The following SLC35F4 variants were observed in gnomAD, a reference collection of about 807,000 sequenced individuals.
The protein encoded by SLC35F4 is solute carrier family 35 member F4.
A neutral mutation model predicts 44.2 loss-of-function variants in SLC35F4; 24 were observed. The observed-to-expected ratio is 0.54, with a 90% confidence interval of 0.39 to 0.76. The LOEUF is 0.76. Among genes scored for constraint, SLC35F4 ranks in the 30% least tolerant of loss-of-function variants. SLC35F4 has a pLI of 0.00. For missense variants in SLC35F4, 562 were observed against 586.1 expected, an observed-to-expected ratio of 0.96 and a Z score of 0.42; for synonymous variants, 238 against 223.6, an observed-to-expected ratio of 1.06 and a Z score of -0.57.
chr14:57,925,434 C>T (rs980521496), intron 1 of SLC35F4, among the ~76,000 whole-genome samples: 71 of 144,934 alleles, frequency 4.9e-4, no homozygotes, highest in African/African-American at 1.8e-3. Flanking sequence ...CCTCAAAGAC[C>T]GAGATTAGGC....
At chr14:57,976,872 TAG>T (rs1395178355) in exon 2 of SLC35F4, 3 of 152,244 alleles carry the variant, frequency 2.0e-5, no homozygotes, top group Admixed American at 1.3e-4. Flanking sequence ...TCTCTCACAG[TAG>T]AGTCTGCAGA....
At chr14:57,613,571 C>T (rs1390410683) in intron 1 of SLC35F4, among the ~76,000 whole-genome samples, 5 of 152,212 alleles carry the variant, frequency 3.3e-5, no homozygotes, top group African/African-American at 1.2e-4. Flanking sequence ...ATTTCTAAGG[C>T]AGCAATAGTC....
chr14:57,816,097 GTC>G (rs1219839086), intron 1 of SLC35F4, among the ~76,000 whole-genome samples: 15 of 152,232 alleles, frequency 9.9e-5, no homozygotes, highest in African/African-American at 3.4e-4. Flanking sequence ...ATTTTATATT[GTC>G]TCTGAGTGGA....
chr14:57,831,448 T>C (rs574573822), intron 1 of SLC35F4, among the ~76,000 whole-genome samples: 2 of 152,236 alleles, frequency 1.3e-5, no homozygotes, highest in South Asian at 2.1e-4. Context: ...GCATACAGCA[T>C]AGCCTCCCAG....
chr14:57,667,264 C>T (rs1315281321), intron 1 of SLC35F4, among the ~76,000 whole-genome samples: 1 of 151,944 alleles, frequency 6.6e-6, no homozygotes, highest in East Asian at 1.9e-4. Flanking sequence ...ACTGCATATA[C>T]TGCCAAACGT....
chr14:57,603,418 C>T (rs1305583771), intron 1 of SLC35F4, among the ~76,000 whole-genome samples: 1 of 152,154 alleles, frequency 6.6e-6, no homozygotes, highest in Admixed American at 6.5e-5. Flanking sequence ...GGGAGTTCCC[C>T]CTCCCTCATT....
intron 1 of SLC35F4, among the ~76,000 whole-genome samples, chr14:57,622,973 A>C (rs114317109): frequency 0.028 from 4,226 of 152,248 alleles, 78 homozygotes; most frequent in Middle Eastern, 0.054. Context: ...TATTAACCTT[A>C]AATGTGAATG....
At chr14:57,669,879 G>T (rs138801979) in intron 1 of SLC35F4, among the ~76,000 whole-genome samples, 1 of 151,932 alleles carries the variant, frequency 6.6e-6, no homozygotes. Flanking sequence ...CTTTTTCTAC[G>T]GATTGGAATA....
intron 1 of SLC35F4, among the ~76,000 whole-genome samples, chr14:57,878,953 T>A (rs1391701077): frequency 6.6e-6 from 1 of 152,208 alleles, no homozygotes; most frequent in Non-Finnish European, 1.5e-5. Flanking sequence ...TGATGTTGTC[T>A]TATGAACATT....
At chr14:57,788,869 G>T (rs1342473783) in intron 1 of SLC35F4, among the ~76,000 whole-genome samples, 2 of 152,040 alleles carry the variant, frequency 1.3e-5, no homozygotes, top group Non-Finnish European at 2.9e-5. Flanking sequence ...ACTCAAAACC[G>T]CACAACTACA....
intron 1 of SLC35F4, among the ~76,000 whole-genome samples, chr14:57,695,612 G>A (rs2075361138): frequency 6.6e-6 from 1 of 151,886 alleles, no homozygotes; most frequent in Admixed American, 6.6e-5. Context: ...AGTCAGTGTG[G>A]CGATTCCTCA....
chr14:57,973,675 C>T (rs1280313903), downstream of SLC35F4, among the ~76,000 whole-genome samples: 1 of 152,120 alleles, frequency 6.6e-6, no homozygotes, highest in African/African-American at 2.4e-5. Context: ...TTGCACATAA[C>T]AGAAACCCAC....
chr14:57,867,604 C>CT (rs921797737), upstream of SLC35F4, among the ~76,000 whole-genome samples: 1 of 149,908 alleles, frequency 6.7e-6, no homozygotes, highest in Admixed American at 6.6e-5. Context: ...GCCTTTACAC[C>CT]CCCCCCCACG....
intron 1 of SLC35F4, among the ~76,000 whole-genome samples, chr14:57,788,579 A>C (rs111609436): frequency 4.3e-4 from 65 of 152,324 alleles, no homozygotes; most frequent in African/African-American, 1.5e-3. Flanking sequence ...GTCAGACCAC[A>C]GTGGAATAAA....
At chr14:57,813,640 G>A (rs180963402) in intron 1 of SLC35F4, among the ~76,000 whole-genome samples, 184 of 152,120 alleles carry the variant, frequency 1.2e-3, no homozygotes, top group African/African-American at 4.1e-3. Context: ...TAAGATATGG[G>A]GTTTTATAAG....
At chr14:57,676,657 A>G (rs1296200518) in intron 1 of SLC35F4, among the ~76,000 whole-genome samples, 7 of 152,138 alleles carry the variant, frequency 4.6e-5, no homozygotes, top group Non-Finnish European at 8.8e-5. Flanking sequence ...ACAAACATAT[A>G]AAAATACTCT....
chr14:57,859,505 G>C lies in SLC35F4; in HGVS notation c.103+6218C>G, dbSNP rs75976309. The stretch of plus-strand genomic sequence containing the variant: ...AGGCAATTAGAGGATTGTGGTGTAG[G>C]GGGGAGAAATGTGTGCTAAAATAGA... On this transcript the variant is annotated intron_variant, in intron 1 of 7. Transcript: ENST00000556826. Among the ~76,000 whole-genome samples, 461 of 152,298 alleles carry C rather than the reference G, an allele frequency of 3.0e-3. 3 individuals are homozygous for C. Among genetic ancestry groups the C allele is most frequent in the African/African-American group, 9.6e-3 (399 of 41,548 alleles).
Position 57,694,742 on chromosome 14 carries a change from T to C in SLC35F4, c.104-100618A>G, listed in dbSNP as rs76608466. On this transcript the variant is annotated intron_variant, in intron 1 of 7. Coordinates refer to ENST00000556826, the MANE Select transcript of SLC35F4 (RefSeq NM_001306087.2). ...CTCGATAATATTTTACAGTTTTCTG[T>C]ATAGAGGTCTTATACATAATTTGTC... Among the ~76,000 whole-genome samples the C allele has an allele frequency of 6.8e-3, 1,034 of 152,300 alleles. 8 individuals carry two copies. The highest frequency in any genetic ancestry group is 0.023 in the African/African-American group (965 of 41,564).
intron 1 of SLC35F4, among the ~76,000 whole-genome samples, chr14:57,875,673 G>T (rs888809369): frequency 6.6e-6 from 1 of 152,218 alleles, no homozygotes; most frequent in African/African-American, 2.4e-5. Flanking sequence ...AATTCCAAGA[G>T]TAAGAGTTAA....
Sources: allele counts gnomAD v4.1 joint callset (sites outside exome capture counted in the v4.1 genomes callset), GRCh38; gene constraint gnomAD v4.1.1; transcripts MANE v1.5; gene names NCBI Gene and HGNC (gene_info 2026-07-23, HGNC 2026-07-21).